Variants in NR1I2 observed in about 807,000 individuals in gnomAD.
NR1I2 encodes the protein orphan nuclear receptor PAR1.
NR1I2 carries 42 observed loss-of-function variants against 43.3 expected under a neutral mutation model. The observed-to-expected ratio is 0.97, with a 90% CI of 0.76 to 1.26. The LOEUF (loss-of-function observed/expected upper bound fraction) is 1.26. Among genes scored for constraint, NR1I2 ranks in the 50% most tolerant of loss-of-function variants. The pLI is 0.00. For missense variants in NR1I2, 559 were observed against 566.7 expected (o/e 0.99, Z 0.14); for synonymous variants, 229 against 215.0 (o/e 1.06, Z -0.57).
intron 1 of NR1I2, chr3:119,792,555 G>T (rs1379196423): frequency 2.1e-6 from 2 of 947,132 alleles, no homozygotes; most frequent in Non-Finnish European, 3.3e-6. Context: ...CCCCAGTGAG[G>T]GCCCACCCTG....
chr3:119,784,528 T>C (rs2054818515), intron 1 of NR1I2, among the ~76,000 whole-genome samples: 1 of 152,218 alleles, frequency 6.6e-6, no homozygotes, highest in African/African-American at 2.4e-5. Flanking sequence ...TTTACTATTA[T>C]TGTTGTTGTT....
chr3:119,794,016 A>T (rs1007944990), intron 1 of NR1I2, among the ~76,000 whole-genome samples: 8 of 151,870 alleles, frequency 5.3e-5, no homozygotes, highest in South Asian at 2.1e-4. Context: ...CGTGTTTTTT[A>T]AAATTATTTT....
In NR1I2 at chr3:119,812,784, G is replaced by A; in HGVS notation, c.618G>A (p.Leu206=). 2 of 1,614,226 alleles carry A rather than the reference G, an allele frequency of 1.2e-6. No homozygotes were observed. The highest frequency in any genetic ancestry group is 1.1e-5 in the South Asian group (1 of 91,084). Residue 206 remains leucine (L), a synonymous_variant, in exon 5 of 9, where the codon CTG becomes CTA. Coordinates refer to ENST00000393716, the MANE Select transcript of NR1I2 (RefSeq NM_003889.4). ...AGTGGAGCCAGGTCCGGAAAGATCT[G>A]TGCTCTTTGAAGGTCTCTCTGCAGC...
intron 1 of NR1I2, among the ~76,000 whole-genome samples, chr3:119,785,194 C>CT (rs1383783187): frequency 6.6e-6 from 1 of 152,242 alleles, no homozygotes; most frequent in Non-Finnish European, 1.5e-5. Context: ...AGGAGATACT[C>CT]TTTACAAACA....
chr3:119,787,871 C>A (rs1309070841), intron 1 of NR1I2, among the ~76,000 whole-genome samples: 1 of 151,900 alleles, frequency 6.6e-6, no homozygotes. Flanking sequence ...CTGCTATCTC[C>A]AAGAGTTTCT....
At chr3:119,793,426 C>T (rs2054949724) in intron 1 of NR1I2, among the ~76,000 whole-genome samples, 1 of 152,152 alleles carries the variant, frequency 6.6e-6, no homozygotes, top group African/African-American at 2.4e-5. Context: ...GACAGGACCA[C>T]CGTGGGCCAA....
chr3:119,804,510 T>C (rs2055125107), intron 1 of NR1I2, among the ~76,000 whole-genome samples: 2 of 150,400 alleles, frequency 1.3e-5, no homozygotes, highest in Non-Finnish European at 3.0e-5. Context: ...AGTGGCGCGA[T>C]TTCGGCTCAC....
At chr3:119,807,479 C>T (rs1476116968) in intron 2 of NR1I2, 32 bp downstream of exon 2, 17 of 1,571,802 alleles carry the variant, frequency 1.1e-5, no homozygotes, top group Non-Finnish European at 1.5e-5. Context: ...CACCCACGTG[C>T]CACCACTGAC....
chr3:119,804,362 G>A (rs929693928), intron 1 of NR1I2, among the ~76,000 whole-genome samples: 5 of 149,892 alleles, frequency 3.3e-5, no homozygotes, highest in East Asian at 2.0e-4. Context: ...GTGACAGAGC[G>A]AGACTCCGTC....
intron 1 of NR1I2, among the ~76,000 whole-genome samples, chr3:119,784,164 T>C (rs1268807475): frequency 6.6e-6 from 1 of 152,200 alleles, no homozygotes; most frequent in Non-Finnish European, 1.5e-5. Context: ...GAACCGACTG[T>C]ACTCCCACCA....
intron 5 of NR1I2, among the ~76,000 whole-genome samples, chr3:119,814,351 C>T (rs1426334591): frequency 6.6e-6 from 1 of 152,200 alleles, no homozygotes; most frequent in Non-Finnish European, 1.5e-5. Flanking sequence ...TAAGCCGCCT[C>T]CATGGTTAGG....
chr3:119,807,638 C>G (rs1290307157), intron 2 of NR1I2, among the ~76,000 whole-genome samples, 191 bp downstream of exon 2: 1 of 152,194 alleles, frequency 6.6e-6, no homozygotes, highest in East Asian at 1.9e-4. Flanking sequence ...CCTGTTCTAC[C>G]CAGGAAAGGT....
At chr3:119,805,590 C>A (rs2055145744) in intron 1 of NR1I2, among the ~76,000 whole-genome samples, 1 of 151,844 alleles carries the variant, frequency 6.6e-6, no homozygotes, top group Non-Finnish European at 1.5e-5. Context: ...GTAGTCCCAG[C>A]TACTCAAGAG....
At chr3:119,790,066 C>G (rs2107948343) in intron 1 of NR1I2, among the ~76,000 whole-genome samples, 1 of 152,278 alleles carries the variant, frequency 6.6e-6, no homozygotes, top group South Asian at 2.1e-4. Flanking sequence ...GATGGAAACT[C>G]TACCCATTAA....
At chr3:119,807,195 GTCTTTTCAT>G in intron 1 of NR1I2, 25 bp from the exon 2 acceptor site, 1 of 1,586,174 alleles carries the variant, frequency 6.3e-7, no homozygotes, top group Non-Finnish European at 8.6e-7. Flanking sequence ...TCCCTGTCCA[GTCTTTTCAT>G]TCTCTGTGGT....
intron 5 of NR1I2, 55 bp from the exon 6 acceptor site, chr3:119,814,924 G>A (rs1450575187): frequency 9.9e-6 from 16 of 1,611,466 alleles, no homozygotes; most frequent in African/African-American, 4.0e-5. Flanking sequence ...TGCTGGTGCC[G>A]GTCTGTGGGC....
chr3:119,801,226 T>A (rs1382017235), intron 1 of NR1I2, among the ~76,000 whole-genome samples: 1 of 152,236 alleles, frequency 6.6e-6, no homozygotes, highest in African/African-American at 2.4e-5. Flanking sequence ...ATACTTACCC[T>A]GCATACCGGA....
chr3:119,797,921 C>T lies in NR1I2; in HGVS notation c.-22-9308C>T, dbSNP rs142924679. ...ATAAAGATATTAACCATTGTCTTTT[C>T]TGTTTTACAATTTCAACTGAAAAGT... On this transcript the variant is annotated intron_variant, in intron 1 of 8. Coordinates refer to ENST00000393716, the MANE Select transcript of NR1I2 (RefSeq NM_003889.4). Among the ~76,000 whole-genome samples, 1,016 of 152,216 alleles carry T rather than the reference C, an allele frequency of 6.7e-3. 9 individuals carry two copies. The highest frequency in any genetic ancestry group is 0.01 in the Non-Finnish European group (691 of 67,996).
At position 119,812,972 on chromosome 3, in the gene NR1I2, A is replaced by G; in HGVS notation, c.794+12A>G. On this transcript the variant is annotated intron_variant, in intron 5 of 8. Transcript: ENST00000393716. ...ATCTCCTACTTCAGGTAGGACATGGAGACTGGGTGGTTGGGTGTGGAAAAG... is the reference window on the plus strand; with the variant it reads ...ATCTCCTACTTCAGGTAGGACATGGGGACTGGGTGGTTGGGTGTGGAAAAG... 2 of 1,611,842 alleles carry G rather than the reference A, an allele frequency of 1.2e-6. No individual in the cohort carries two copies. The highest frequency in any genetic ancestry group is 8.5e-7 in the Non-Finnish European group (1 of 1,179,970).
Sources: allele counts gnomAD v4.1 joint callset (sites outside exome capture counted in the v4.1 genomes callset), GRCh38; gene constraint gnomAD v4.1.1; transcripts MANE v1.5; gene names NCBI Gene and HGNC (gene_info 2026-07-23, HGNC 2026-07-21).